The following PUDP variants were observed in gnomAD, a reference collection of about 807,000 sequenced individuals.
PUDP encodes pseudouridine-5'-phosphatase.
In PUDP, 8 loss-of-function variants were observed where a neutral mutation model predicts 9.4. That is an observed-to-expected ratio of 0.85 (90% CI 0.50 to 1.53). PUDP has a LOEUF of 1.53. Among genes scored for constraint, PUDP ranks in the 40% most tolerant of loss-of-function variants. PUDP has a pLI of 0.00. For synonymous variants in PUDP, 99 were observed against 80.7 expected (o/e 1.23, Z -1.22); for missense variants, 188 against 189.7 (o/e 0.99, Z 0.05).
At chrX:6,883,934 G>A (rs946728280) in intron 3 of PUDP, among the ~76,000 whole-genome samples, 2 of 111,243 alleles carry the variant, frequency 1.8e-5, no homozygotes, top group African/African-American at 3.3e-5. Context: ...TCCGTCTCCC[G>A]GGTTCACACC....
At chrX:7,021,838 G>A (rs1212117503) in intron 1 of PUDP, among the ~76,000 whole-genome samples, 2 of 112,160 alleles carry the variant, frequency 1.8e-5, no homozygotes, top group Non-Finnish European at 3.8e-5. Flanking sequence ...ACTCATAAAA[G>A]CAAGTGAAGG....
At chrX:6,752,328 C>T (rs1280799431) in intron 3 of PUDP, among the ~76,000 whole-genome samples, 1 of 111,276 alleles carries the variant, frequency 9.0e-6, no homozygotes, top group Non-Finnish European at 1.9e-5. Context: ...ACATACCTGG[C>T]CATTGCTGTA....
At chrX:6,730,931 G>A (rs942258352) in intron 3 of PUDP, among the ~76,000 whole-genome samples, 3 of 112,083 alleles carry the variant, frequency 2.7e-5, no homozygotes, top group East Asian at 2.8e-4. Context: ...GAGAGCTGAC[G>A]TTGGATCTTT....
intron 3 of PUDP, among the ~76,000 whole-genome samples, chrX:6,782,673 A>G (rs7880349): frequency 0.22 from 24,599 of 111,619 alleles, 2,600 homozygotes; most frequent in African/African-American, 0.4. Flanking sequence ...GTCTCCCCTG[A>G]TGTCCAATCT....
At chrX:6,711,917 T>C in intron 1 of PUDP, among the ~76,000 whole-genome samples, 1 of 111,893 alleles carries the variant, frequency 8.9e-6, no homozygotes, top group South Asian at 3.7e-4. Flanking sequence ...CTTTTACATT[T>C]GATCACCTAT....
chrX:6,794,803 G>A (rs1248061762), intron 3 of PUDP, among the ~76,000 whole-genome samples: 2 of 109,627 alleles, frequency 1.8e-5, no homozygotes, highest in African/African-American at 6.6e-5. Flanking sequence ...CAGGTGATCT[G>A]CCACCTTGGC....
At chrX:6,852,415 C>T (rs1926839383) in intron 3 of PUDP, among the ~76,000 whole-genome samples, 1 of 112,297 alleles carries the variant, frequency 8.9e-6, no homozygotes, top group Non-Finnish European at 1.9e-5. Flanking sequence ...GGGGTGTTGT[C>T]TGCTCTGCAG....
At chrX:6,819,101 C>A (rs965826804) in intron 3 of PUDP, among the ~76,000 whole-genome samples, 3 of 111,445 alleles carry the variant, frequency 2.7e-5, no homozygotes, top group Non-Finnish European at 5.7e-5. Context: ...TTTTAATACT[C>A]AAGTGACACC....
intron 1 of PUDP, among the ~76,000 whole-genome samples, chrX:7,116,131 G>A (rs757531548): frequency 4.6e-4 from 52 of 112,146 alleles, no homozygotes; most frequent in Non-Finnish European, 9.4e-4. Flanking sequence ...ACTTGCCTTT[G>A]GCAGAAGCTC....
intron 3 of PUDP, among the ~76,000 whole-genome samples, chrX:7,066,989 G>A (rs1416553428): frequency 3.6e-5 from 4 of 111,730 alleles, no homozygotes; most frequent in Non-Finnish European, 5.6e-5. Context: ...GGGAAATAGT[G>A]GACCAGGGAT....
downstream of PUDP, among the ~76,000 whole-genome samples, chrX:7,047,076 G>A (rs1478143689): frequency 2.7e-5 from 3 of 111,929 alleles, no homozygotes; most frequent in East Asian, 8.4e-4. Flanking sequence ...GGGAGGCAAC[G>A]ACTTAATCCT....
intron 1 of PUDP, among the ~76,000 whole-genome samples, chrX:6,708,284 G>C (rs1399448226): frequency 9.0e-6 from 1 of 111,506 alleles, no homozygotes; most frequent in Non-Finnish European, 1.9e-5. Flanking sequence ...CCCAAGCAGT[G>C]TGAGAAGGGC....
At chrX:6,940,697 G>GAC (rs1408861065) in intron 3 of PUDP, among the ~76,000 whole-genome samples, 1 of 111,136 alleles carries the variant, frequency 9.0e-6, no homozygotes, top group Non-Finnish European at 1.9e-5. Flanking sequence ...AGGAAACAGA[G>GAC]ACACGAGAGT....
downstream of PUDP, among the ~76,000 whole-genome samples, chrX:7,044,248 G>C (rs1929957076): frequency 8.9e-6 from 1 of 112,188 alleles, no homozygotes; most frequent in African/African-American, 3.2e-5. Context: ...CAAGTAGTAG[G>C]CATCTCAAAC....
At chrX:6,834,376 T>G (rs1396508847) in intron 3 of PUDP, among the ~76,000 whole-genome samples, 3 of 111,763 alleles carry the variant, frequency 2.7e-5, no homozygotes, top group African/African-American at 9.8e-5. Flanking sequence ...TGGACAGCCC[T>G]GAGGACCTGG....
At chrX:6,880,063 T>C (rs898260923) in intron 3 of PUDP, among the ~76,000 whole-genome samples, 1 of 110,725 alleles carries the variant, frequency 9.0e-6, no homozygotes, top group African/African-American at 3.3e-5. Flanking sequence ...TGGAAACAGA[T>C]GAATTACAAT....
intron 3 of PUDP, among the ~76,000 whole-genome samples, chrX:6,911,893 CTTTG>C (rs1436648770): frequency 8.9e-6 from 1 of 111,848 alleles, no homozygotes; most frequent in Non-Finnish European, 1.9e-5. Flanking sequence ...CGTGAATTCT[CTTTG>C]TTTGTCCGGA....
intron 3 of PUDP, among the ~76,000 whole-genome samples, chrX:6,844,567 A>T (rs755925924): frequency 1.8e-5 from 2 of 112,832 alleles, no homozygotes; most frequent in African/African-American, 6.4e-5. Context: ...TTTGAGCTAA[A>T]TCTTAAAGAA....
chrX:6,873,232 T>A (rs1927203026), intron 3 of PUDP, among the ~76,000 whole-genome samples: 1 of 111,854 alleles, frequency 8.9e-6, no homozygotes, highest in Admixed American at 9.6e-5. Flanking sequence ...GTGACCAATA[T>A]CCTCAGAATC....
Sources: allele counts gnomAD v4.1 joint callset (sites outside exome capture counted in the v4.1 genomes callset), GRCh38; gene constraint gnomAD v4.1.1; transcripts MANE v1.5; gene names NCBI Gene and HGNC (gene_info 2026-07-23, HGNC 2026-07-21).